The following SUSD1 variants were observed in gnomAD, a reference collection of about 807,000 sequenced individuals.
SUSD1 encodes the protein sushi domain-containing protein 1.
SUSD1 carries 65 observed loss-of-function variants against 86.9 expected under a neutral mutation model. The ratio of observed to expected loss-of-function variants is 0.75; its 90% CI spans 0.61 to 0.92. SUSD1 has a LOEUF of 0.92. SUSD1 is among the 40% of genes least tolerant of loss of function. SUSD1 has a pLI of 0.00. For synonymous variants in SUSD1, 346 were observed against 350.0 expected, an observed-to-expected ratio of 0.99 and a Z score of 0.13; for missense variants, 850 against 929.7, an observed-to-expected ratio of 0.91 and a Z score of 1.11.
At position 112,143,760 on chromosome 9, in the gene SUSD1, C is replaced by T. The variant is rs960548425; in HGVS notation, c.374-137G>A. ...AAGATGCATTTGTTTGCAATTGTAT[C>T]ATACATTTTATTTTATGCCTTATGG... is the stretch of plus-strand genomic sequence containing the variant. On this transcript the variant is annotated intron_variant, in intron 3 of 16. Transcript: ENST00000374270. 3 of 849,462 alleles carry T rather than the reference C, an allele frequency of 3.5e-6. No individual in the cohort carries two copies. In the African/African-American group the frequency reaches 5.2e-5, roughly 15 times the overall value. 52.6% of individuals were successfully genotyped at this position (849,462 alleles called of 1,614,324 possible).
chr9:112,170,710 T>TATATATATAGAG (rs758442726), intron 1 of SUSD1, among the ~76,000 whole-genome samples: 8,149 of 113,358 alleles, frequency 0.072, 339 homozygotes, highest in Non-Finnish European at 0.08. Flanking sequence ...TATATATATA[T>TATATATATAGAG]AGAGAGAGAG....
chr9:112,117,654 T>G (rs1426445073), intron 6 of SUSD1, among the ~76,000 whole-genome samples: 1 of 152,152 alleles, frequency 6.6e-6, no homozygotes. Context: ...ACTAAATACG[T>G]AAGTCATTAT....
chr9:112,127,405 G>A (rs1831820860), intron 5 of SUSD1, among the ~76,000 whole-genome samples: 1 of 151,954 alleles, frequency 6.6e-6, no homozygotes, highest in Non-Finnish European at 1.5e-5. Flanking sequence ...TTCCAACTCT[G>A]AAATTCTATA....
chr9:112,165,671 A>G lies in SUSD1; in HGVS notation c.104-8058T>C, dbSNP rs375573767. ...GCAATCCACCCACCTCGGCCTCCCAAAGTCCTGGGATTACAAGTGTGAGCT... is the reference window on the plus strand; with the variant it reads ...GCAATCCACCCACCTCGGCCTCCCAGAGTCCTGGGATTACAAGTGTGAGCT... On this transcript the variant is annotated intron_variant, in intron 1 of 16. Transcript: ENST00000374270. 9.2e-5 allele frequency among the ~76,000 whole-genome samples: 14 copies of G among 151,760 alleles called. No individual in the cohort carries two copies. In the East Asian group the frequency reaches 2.1e-3, roughly 23 times the overall value.
At chr9:112,143,318 ATTG>A in intron 4 of SUSD1, among the ~76,000 whole-genome samples, 150 bp downstream of exon 4, 1 of 152,016 alleles carries the variant, frequency 6.6e-6, no homozygotes, top group East Asian at 1.9e-4. Flanking sequence ...CTGTAACTTG[ATTG>A]TTGTTATTTG....
chr9:112,087,818 T>C (rs1418356106), intron 10 of SUSD1, among the ~76,000 whole-genome samples: 1 of 152,108 alleles, frequency 6.6e-6, no homozygotes, highest in South Asian at 2.1e-4. Context: ...AAAACTACAA[T>C]TCAAGATAAC....
At chr9:112,058,721 T>C (rs770271478) in intron 13 of SUSD1, 35 bp from the exon 14 acceptor site, 25 of 1,601,568 alleles carry the variant, frequency 1.6e-5, no homozygotes, top group Non-Finnish European at 2.1e-5. Context: ...CATCAGACCC[T>C]TGCATGGGGA....
chr9:112,049,138 C>T (rs1029755791), intron 15 of SUSD1, among the ~76,000 whole-genome samples: 6 of 152,080 alleles, frequency 3.9e-5, no homozygotes, highest in African/African-American at 1.4e-4. Context: ...ATCCCTGCTA[C>T]AGGTAGGAAG....
chr9:112,114,467 A>T (rs1831230719), intron 6 of SUSD1, among the ~76,000 whole-genome samples: 1 of 152,234 alleles, frequency 6.6e-6, no homozygotes, highest in East Asian at 1.9e-4. Flanking sequence ...TGGGTGACAG[A>T]GTGAGACTCC....
intron 10 of SUSD1, among the ~76,000 whole-genome samples, chr9:112,090,285 GT>G: frequency 6.6e-6 from 1 of 152,170 alleles, no homozygotes; most frequent in African/African-American, 2.4e-5. Context: ...GCAAAATCTG[GT>G]TTGCCAAAAT....
At chr9:112,065,865 G>A (rs1828953154) in intron 12 of SUSD1, among the ~76,000 whole-genome samples, 2 of 152,194 alleles carry the variant, frequency 1.3e-5, no homozygotes, top group African/African-American at 4.8e-5. Context: ...CAAGTAAAGA[G>A]AATAAAACAG....
At chr9:112,165,126 C>A (rs1253294135) in intron 1 of SUSD1, among the ~76,000 whole-genome samples, 2 of 152,110 alleles carry the variant, frequency 1.3e-5, no homozygotes, top group Non-Finnish European at 2.9e-5. Flanking sequence ...AGTCCTTTCT[C>A]CCTAAAGTTC....
chr9:112,099,968 A>T (rs966543419), intron 9 of SUSD1, among the ~76,000 whole-genome samples: 1 of 152,162 alleles, frequency 6.6e-6, no homozygotes, highest in Non-Finnish European at 1.5e-5. Context: ...GGCCACCCAT[A>T]TCCATGGCCA....
intron 5 of SUSD1, among the ~76,000 whole-genome samples, chr9:112,124,956 T>G (rs1397078916): frequency 6.6e-6 from 1 of 152,144 alleles, no homozygotes; most frequent in African/African-American, 2.4e-5. Flanking sequence ...GATACGAAAT[T>G]TTTTTCTCTA....
intron 12 of SUSD1, among the ~76,000 whole-genome samples, chr9:112,075,466 C>T (rs1829476628): frequency 6.6e-6 from 1 of 152,104 alleles, no homozygotes; most frequent in Non-Finnish European, 1.5e-5. Flanking sequence ...GAGACTCATG[C>T]CTATAATCTC....
intron 5 of SUSD1, among the ~76,000 whole-genome samples, chr9:112,127,778 T>C (rs995353655): frequency 1.3e-5 from 2 of 152,216 alleles, no homozygotes; most frequent in African/African-American, 4.8e-5. Context: ...ACAATTATTA[T>C]TAAGTGATAG....
rs1831672886 is a variant in SUSD1 at position 112,124,265 on chromosome 9, G to A, written c.878C>T (p.Thr293Ile). 1 of 1,613,180 alleles carries A rather than the reference G, an allele frequency of 6.2e-7. No individual in the cohort carries two copies. The highest frequency in any genetic ancestry group is 8.5e-7 in the Non-Finnish European group (1 of 1,179,502). ...EKGTWRESTL[T>I]CTEILTKIND... ...CAGAACAGAATCTGTACCTGTGCAT[G>A]TTAAAGTACTTTCTCTCCAGGTGCC... The change falls in exon 6 of 17, where the codon ACA becomes ATA. Residue 293 changes from threonine (T) to isoleucine (I), a missense_variant. Physicochemically the swap from Thr to Ile is moderately conservative, Grantham distance 89. Transcript: ENST00000374270.
intron 5 of SUSD1, among the ~76,000 whole-genome samples, chr9:112,133,223 C>T (rs1364657951): frequency 1.3e-5 from 2 of 152,130 alleles, no homozygotes; most frequent in Non-Finnish European, 2.9e-5. Context: ...TGCAGTGAGC[C>T]ATGACTGCAC....
intron 15 of SUSD1, among the ~76,000 whole-genome samples, chr9:112,045,040 CAAGT>C (rs1827896780): frequency 1.3e-5 from 2 of 152,120 alleles, no homozygotes; most frequent in African/African-American, 4.8e-5. Context: ...TGCTCTCTTA[CAAGT>C]AATAAAAATG....
Sources: gnomAD v4.1 joint callset for allele counts (sites outside exome capture counted in the v4.1 genomes callset) on GRCh38, gnomAD v4.1.1 for gene constraint, MANE v1.5 for transcripts, NCBI Gene and HGNC (gene_info 2026-07-23, HGNC 2026-07-21) for gene names.